CDK6: variants seen among roughly 807,000 people sequenced by gnomAD.
CDK6 encodes the protein cyclin dependent kinase 6, also known as cyclin-dependent kinase 6.
Under a neutral mutation model 37.1 loss-of-function variants are expected in CDK6, and 6 were observed. The ratio of observed to expected loss-of-function variants is 0.16; its 90% CI spans 0.09 to 0.32. The LOEUF is 0.32. Ranked by LOEUF, CDK6 falls within the 10% of genes least tolerant of loss-of-function variation. The pLI is 1.00. For synonymous variants in CDK6, 160 were observed against 161.3 expected, an observed-to-expected ratio of 0.99 and a Z score of 0.06; for missense variants, 224 against 418.9, an observed-to-expected ratio of 0.53 and a Z score of 4.06.
At chr7:92,697,326 C>T (rs897997240) in intron 4 of CDK6, among the ~76,000 whole-genome samples, 10 of 152,184 alleles carry the variant, frequency 6.6e-5, no homozygotes, top group African/African-American at 2.2e-4. Flanking sequence ...AACCCCAGAG[C>T]TGCACAACAG....
At chr7:92,619,578 T>G (rs1270551921) in intron 6 of CDK6, among the ~76,000 whole-genome samples, 1 of 151,692 alleles carries the variant, frequency 6.6e-6, no homozygotes, top group Non-Finnish European at 1.5e-5. Flanking sequence ...TTCTTATGAA[T>G]GTACTTCCAG....
chr7:92,763,279 A>G (rs1584062522), intron 3 of CDK6, among the ~76,000 whole-genome samples: 1 of 152,254 alleles, frequency 6.6e-6, no homozygotes, highest in East Asian at 1.9e-4. Flanking sequence ...CTAAAAACCT[A>G]TGACTATGAT....
chr7:92,774,453 G>T (rs1030807686), intron 3 of CDK6, among the ~76,000 whole-genome samples: 26 of 151,182 alleles, frequency 1.7e-4, no homozygotes, highest in Non-Finnish European at 3.2e-4. Context: ...AGAACTAAAG[G>T]TTTTTTTTTC....
intron 2 of CDK6, among the ~76,000 whole-genome samples, chr7:92,821,260 A>G (rs1360637697): frequency 6.6e-6 from 1 of 152,060 alleles, no homozygotes; most frequent in East Asian, 1.9e-4. Flanking sequence ...TCGCCAACCA[A>G]CTTGCATGAA....
intron 2 of CDK6, among the ~76,000 whole-genome samples, chr7:92,822,723 G>C (rs117585919): frequency 6.6e-6 from 1 of 151,964 alleles, no homozygotes; most frequent in East Asian, 1.9e-4. Flanking sequence ...ATTAAAATAA[G>C]GTGCCCAAGA....
At chr7:92,725,197 G>C (rs1265012961) in intron 4 of CDK6, 16 of 985,272 alleles carry the variant, frequency 1.6e-5, no homozygotes, top group Non-Finnish European at 1.8e-5. Context: ...CTTCAGATGA[G>C]TGCATTAACA....
At chr7:92,655,599 A>G (rs1253415411) in intron 5 of CDK6, among the ~76,000 whole-genome samples, 1 of 152,254 alleles carries the variant, frequency 6.6e-6, no homozygotes, top group East Asian at 1.9e-4. Context: ...TGGGCAACAC[A>G]GTGCAAACAC....
chr7:92,754,063 C>T (rs1799253536), intron 3 of CDK6, among the ~76,000 whole-genome samples: 1 of 152,142 alleles, frequency 6.6e-6, no homozygotes, highest in Non-Finnish European at 1.5e-5. Context: ...TCTCTCCAGG[C>T]TCTGCTTGGT....
Position 92,623,028 on chromosome 7 carries a change from T to C in CDK6, c.698+8A>G. The C allele has an allele frequency of 6.5e-7, 1 of 1,549,526 alleles. No individual in the cohort carries two copies. The highest frequency in any genetic ancestry group is 8.9e-7 in the Non-Finnish European group (1 of 1,128,784). On this transcript the variant is annotated splice_region_variant and intron_variant, in intron 6 of 7. Transcript: ENST00000424848. ...GGACACTGGTGTAAAATTATAATTA[T>C]TACTTACTCCAAGATTTTTCCTAGT... is the stretch of plus-strand genomic sequence containing the variant.
chr7:92,776,081 C>A (rs1799845237), intron 2 of CDK6, among the ~76,000 whole-genome samples: 1 of 148,786 alleles, frequency 6.7e-6, no homozygotes, highest in African/African-American at 2.5e-5. Context: ...CCCCGACAGG[C>A]CCTGGTGTGC....
intron 5 of CDK6, among the ~76,000 whole-genome samples, chr7:92,653,255 C>CTGA (rs1796615946): frequency 1.3e-5 from 2 of 152,188 alleles, no homozygotes; most frequent in African/African-American, 2.4e-5. Context: ...TACCATCTAT[C>CTGA]TGATAAGCAA....
chr7:92,814,994 G>A (rs1800989058), intron 2 of CDK6, among the ~76,000 whole-genome samples: 1 of 152,026 alleles, frequency 6.6e-6, no homozygotes, highest in Non-Finnish European at 1.5e-5. Flanking sequence ...TACTAGAAGG[G>A]AGGCCACTGC....
chr7:92,604,989 A>C lies in CDK6; in HGVS notation c.*10151T>G, dbSNP rs185988519. 8.8e-6 allele frequency: 2 copies of C among 226,232 alleles called. No individual in the cohort carries two copies. Among genetic ancestry groups the C allele is most frequent in the Admixed American group, 5.7e-5 (1 of 17,548 alleles). 14.0% of individuals were successfully genotyped at this position (226,232 alleles called of 1,614,324 possible). On this transcript the variant is annotated 3_prime_UTR_variant, in exon 8 of 8. Coordinates refer to ENST00000424848, the MANE Select transcript of CDK6 (RefSeq NM_001145306.2). ...TATACTCATTTTACATTAAAGTAAA[A>C]AAGAAAATAGCCAGGAGAGTAATTC... is the stretch of plus-strand genomic sequence containing the variant.
At chr7:92,647,452 A>G (rs1796478271) in intron 5 of CDK6, among the ~76,000 whole-genome samples, 1 of 152,182 alleles carries the variant, frequency 6.6e-6, no homozygotes, top group Non-Finnish European at 1.5e-5. Flanking sequence ...GTGAGTGGGC[A>G]ATGCTCCAGG....
At position 92,833,610 on chromosome 7, in the gene CDK6, C is replaced by A; in HGVS notation, c.-287G>T. On this transcript the variant is annotated 5_prime_UTR_variant, in exon 2 of 8. Coordinates refer to ENST00000424848, the MANE Select transcript of CDK6 (RefSeq NM_001145306.2). This position sits in a 1 kb window ranked among gnomAD's most constrained non-coding sequence, Gnocchi z 6.1. Reference sequence around the variant, plus strand: ...GAGGAGCGAGCCGATCCCTCCTCTTCCCTCCTCGAAGCGAAGTCCTCAACA... The same window carrying A: ...GAGGAGCGAGCCGATCCCTCCTCTTACCTCCTCGAAGCGAAGTCCTCAACA... The A allele has an allele frequency of 1.9e-6, 1 of 536,214 alleles. No homozygotes were observed. The highest frequency in any genetic ancestry group is 3.2e-6 in the Non-Finnish European group (1 of 309,888). 33.2% of individuals were successfully genotyped at this position (536,214 alleles called of 1,614,324 possible). A position where few individuals can be genotyped will look rare whatever the true frequency, so the allele number is the denominator to read the frequency against.
chr7:92,741,840 G>A (rs980556128), intron 3 of CDK6, among the ~76,000 whole-genome samples: 41 of 152,208 alleles, frequency 2.7e-4, no homozygotes, highest in African/African-American at 9.6e-4. Context: ...AAACAGCACT[G>A]TTTTATGTCC....
At chr7:92,690,750 G>T (rs1273871031) in intron 4 of CDK6, among the ~76,000 whole-genome samples, 2 of 152,114 alleles carry the variant, frequency 1.3e-5, no homozygotes, top group Non-Finnish European at 2.9e-5. Context: ...ATATATGTAT[G>T]CATGTAATTT....
At chr7:92,828,306 GCAAACTGT>G (rs1256186397) in intron 2 of CDK6, among the ~76,000 whole-genome samples, 1 of 151,934 alleles carries the variant, frequency 6.6e-6, no homozygotes, top group Non-Finnish European at 1.5e-5. Context: ...TTCATTCCTG[GCAAACTGT>G]CACTTTTGTC....
chr7:92,611,229 C>A lies in CDK6; in HGVS notation c.*3911G>T. The A allele has an allele frequency of 4.4e-6, 1 of 226,236 alleles. No homozygotes were observed. The highest frequency in any genetic ancestry group is 6.5e-5 in the East Asian group (1 of 15,460). 14.0% of individuals were successfully genotyped at this position (226,236 alleles called of 1,614,324 possible). On this transcript the variant is annotated 3_prime_UTR_variant, in exon 8 of 8. Transcript: ENST00000424848. ...TCTGTCACAATGTGAAACATGCATT[C>A]TTTTGAATTATATAAATATCTAAGA...
Sources: gnomAD v4.1 joint callset for allele counts (sites outside exome capture counted in the v4.1 genomes callset) on GRCh38, gnomAD v4.1.1 for gene constraint, Gnocchi (gnomAD v3.1) non-coding constraint, MANE v1.5 for transcripts, NCBI Gene and HGNC (gene_info 2026-07-23, HGNC 2026-07-21) for gene names.